The following ZDHHC5 variants were observed in gnomAD, a reference collection of about 807,000 sequenced individuals.
ZDHHC5 encodes palmitoyltransferase ZDHHC5.
ZDHHC5 carries 22 observed loss-of-function variants against 70.0 expected under a neutral mutation model. That is an observed-to-expected ratio of 0.31 (90% CI 0.22 to 0.45). ZDHHC5 has a LOEUF of 0.45. Among genes scored for constraint, ZDHHC5 ranks in the 20% least tolerant of loss-of-function variants. The probability of loss-of-function intolerance (pLI) is 1.00; values close to 1 mark genes in which losing one functional copy is unlikely to be tolerated. For missense variants in ZDHHC5, 746 were observed against 926.9 expected (o/e 0.80, Z 2.53); for synonymous variants, 313 against 347.8 (o/e 0.90, Z 1.11).
intron 7 of ZDHHC5, among the ~76,000 whole-genome samples, chr11:57,692,966 G>A (rs990782148): frequency 6.6e-6 from 1 of 152,078 alleles, no homozygotes. Flanking sequence ...CCACAGATGG[G>A]GGCTGGGGTG....
At chr11:57,693,688 A>G in intron 7 of ZDHHC5, 95 bp from the exon 8 acceptor site, 1 of 1,434,602 alleles carries the variant, frequency 7.0e-7, no homozygotes, top group East Asian at 2.6e-5. Flanking sequence ...TACCAACCTA[A>G]TAAAAATGGT....
rs780566939 is a variant in ZDHHC5, at chr11:57,688,625, C to T, written c.344C>T (p.Pro115Leu). The part of the protein sequence containing the change: ...WCATCRFYRP[P>L]RCSHCSVCDN... ...GCCACCTGCCGCTTTTACCGTCCCC[C>T]TCGATGTTCCCACTGCAGTGTCTGT... The change falls in exon 4 of 12, where the codon CCT becomes CTT. Residue 115 changes from proline (P) to leucine (L), a missense_variant. By Grantham distance (98) the Pro-to-Leu change is moderately conservative (BLOSUM62 -3). Transcript: ENST00000287169. 1 of 1,610,596 alleles carries T rather than the reference C, an allele frequency of 6.2e-7. No individual in the cohort carries two copies. Among genetic ancestry groups the T allele is most frequent in the South Asian group, 1.1e-5 (1 of 90,168 alleles).
At chr11:57,669,589 T>TG (rs1295797572) in intron 1 of ZDHHC5, among the ~76,000 whole-genome samples, 1 of 152,196 alleles carries the variant, frequency 6.6e-6, no homozygotes, top group African/African-American at 2.4e-5. Context: ...CCCTAGTAGC[T>TG]GGGATTTCAG....
Position 57,698,566 on chromosome 11 carries a change from G to A in ZDHHC5, c.1130G>A (p.Arg377His), listed in dbSNP as rs755434833. ...MPHSSSAKLS[R>H]GDSLKEPTSI... Reference sequence around the variant, plus strand: ...CTTTACTTTCTTCCTCAGTTGAGTCGTGGGGACAGCTTGAAGGAGCCAACC... The same window carrying A: ...CTTTACTTTCTTCCTCAGTTGAGTCATGGGGACAGCTTGAAGGAGCCAACC... Residue 377 changes from arginine (R) to histidine (H), a missense_variant, in exon 11 of 12, where the codon CGT (arginine) becomes CAT (histidine). Arg to His is a conservative substitution (Grantham distance 29). Transcript: ENST00000287169. 8.1e-6 allele frequency: 13 copies of A among 1,604,550 alleles called. No individual in the cohort carries two copies. The highest frequency in any genetic ancestry group is 3.4e-5 in the Admixed American group (2 of 58,896).
At chr11:57,697,642 C>CA (rs35869929) in intron 10 of ZDHHC5, among the ~76,000 whole-genome samples, 31,637 of 85,326 alleles carry the variant, frequency 0.37, 5,049 homozygotes, top group Non-Finnish European at 0.4. Context: ...GAGTCCATCT[C>CA]AAAAAAAAAA....
At chr11:57,669,100 C>T (rs1378201359) in intron 1 of ZDHHC5, among the ~76,000 whole-genome samples, 1 of 152,186 alleles carries the variant, frequency 6.6e-6, no homozygotes, top group African/African-American at 2.4e-5. Flanking sequence ...CATTATCACC[C>T]ATTGTATAAA....
chr11:57,696,128 G>T, intron 9 of ZDHHC5, 85 bp downstream of exon 9: 1 of 1,513,672 alleles, frequency 6.6e-7, no homozygotes, highest in Non-Finnish European at 8.8e-7. Flanking sequence ...ACAGGCAAGG[G>T]CTGGGAGATA....
Position 57,700,081 on chromosome 11 carries a change from CCCAGGTGGCCA to C in ZDHHC5, c.*53_*63del. On this transcript the variant is annotated 3_prime_UTR_variant, in exon 12 of 12. Transcript: ENST00000287169. ...CGCCTCTGCGCCTACACCAAAGGGC[CCCAGGTGGCCA>C]CCTTCCTTCCCTCAAGGGGCTCCCC... The C allele has an allele frequency of 6.6e-7, 1 of 1,512,764 alleles. No individual in the cohort carries two copies. Among genetic ancestry groups the C allele is most frequent in the Non-Finnish European group, 8.8e-7 (1 of 1,133,018 alleles). 93.7% of individuals were successfully genotyped at this position (1,512,764 alleles called of 1,614,324 possible). A position where few individuals can be genotyped will look rare whatever the true frequency, so the allele number is the denominator to read the frequency against.
chr11:57,668,821 T>C (rs1945961913), intron 1 of ZDHHC5, among the ~76,000 whole-genome samples: 1 of 152,258 alleles, frequency 6.6e-6, no homozygotes, highest in African/African-American at 2.4e-5. Flanking sequence ...CCGAATGCGT[T>C]TGTCAATATT....
In ZDHHC5 at chr11:57,690,097, C is replaced by G; in HGVS notation, c.451C>G (p.Leu151Val). 6.2e-7 allele frequency: 1 copy of G among 1,614,050 alleles called. No individual in the cohort carries two copies. The highest frequency in any genetic ancestry group is 8.5e-7 in the Non-Finnish European group (1 of 1,180,008). Residue 151 changes from leucine (L) to valine (V), a missense_variant, in exon 5 of 12, where the codon CTT (leucine) becomes GTT (valine). Around this residue, in one of 6 missense-constraint regions of ZDHHC5, gnomAD observed 114 missense variants for 179.3 expected, o/e 0.64. Coordinates refer to ENST00000287169, the MANE Select transcript of ZDHHC5 (RefSeq NM_015457.3). ...IGRRNYRYFF[L>V]FLLSLTAHIM... is the part of the protein sequence containing the mutation. ...TCGCCGGAACTACCGTTATTTTTTC[C>G]TTTTCCTCCTTTCCCTGACAGCCCA...
intron 8 of ZDHHC5, 151 bp downstream of exon 8, chr11:57,694,066 A>C: frequency 9.4e-7 from 1 of 1,063,650 alleles, no homozygotes; most frequent in Non-Finnish European, 1.3e-6. Context: ...AGTGGTGCTC[A>C]GTGCAAACTC....
intron 2 of ZDHHC5, among the ~76,000 whole-genome samples, chr11:57,679,877 C>A (rs1037924998): frequency 6.6e-6 from 1 of 152,124 alleles, no homozygotes; most frequent in Non-Finnish European, 1.5e-5. Flanking sequence ...TTCTGTGAAT[C>A]TAGGAGCAAA....
chr11:57,684,674 G>A (rs1946188401), intron 3 of ZDHHC5, among the ~76,000 whole-genome samples: 1 of 152,170 alleles, frequency 6.6e-6, no homozygotes, highest in Non-Finnish European at 1.5e-5. Context: ...AGAAGAAGTA[G>A]GCTCTTTCTG....
chr11:57,674,980 A>G (rs954446565), intron 2 of ZDHHC5, among the ~76,000 whole-genome samples: 1 of 152,198 alleles, frequency 6.6e-6, no homozygotes, highest in Non-Finnish European at 1.5e-5. Flanking sequence ...CTTAAACTCA[A>G]CATGTTCAGT....
In ZDHHC5 at chr11:57,699,416, C is replaced by A. The variant is rs751696504; in HGVS notation, c.1980C>A (p.Pro660=). 2 of 1,566,320 alleles carry A rather than the reference C, an allele frequency of 1.3e-6. No individual in the cohort carries two copies. The highest frequency in any genetic ancestry group is 1.7e-6 in the Non-Finnish European group (2 of 1,157,174). The change falls in exon 11 of 12, where the codon CCC becomes CCA. Residue 660 remains proline, a splice_region_variant and synonymous_variant. Transcript: ENST00000287169. ...EEVALQPLLT[P]KDEVQLKTTY... ...TGGCCTTGCAGCCATTACTGACACC[C>A]AAGTAAGTATTAGTACTATCCTGAC...
chr11:57,694,139 C>G (rs1336450677), intron 8 of ZDHHC5, among the ~76,000 whole-genome samples: 1 of 150,672 alleles, frequency 6.6e-6, no homozygotes, highest in Non-Finnish European at 1.5e-5. Flanking sequence ...TTACAGGTGT[C>G]CGTCACCTTG....
At chr11:57,685,705 A>T (rs1375401810) in intron 3 of ZDHHC5, among the ~76,000 whole-genome samples, 1 of 152,134 alleles carries the variant, frequency 6.6e-6, no homozygotes, top group Admixed American at 6.5e-5. Context: ...TCAGACTAGA[A>T]AGGAAGATAG....
At chr11:57,696,714 A>G in intron 9 of ZDHHC5, 47 bp from the exon 10 acceptor site, 1 of 1,575,672 alleles carries the variant, frequency 6.3e-7, no homozygotes, top group Non-Finnish European at 8.7e-7. Context: ...CTCTTAAACC[A>G]AAAAACCGCT....
intron 2 of ZDHHC5, among the ~76,000 whole-genome samples, chr11:57,674,163 C>G (rs977761455): frequency 4.6e-5 from 7 of 152,072 alleles, no homozygotes; most frequent in Admixed American, 3.9e-4. Flanking sequence ...GTAATTTTCC[C>G]ATTACTTGGT....
Sources: gnomAD v4.1 joint callset for allele counts (sites outside exome capture counted in the v4.1 genomes callset) on GRCh38, gnomAD v4.1.1 for gene constraint, gnomAD v4.1.1 regional missense constraint, MANE v1.5 for transcripts, NCBI Gene and HGNC (gene_info 2026-07-23, HGNC 2026-07-21) for gene names.